The following DEPDC1B variants were observed in gnomAD, a reference collection of about 807,000 sequenced individuals.
The protein encoded by DEPDC1B is DEP domain containing 1B, also known as DEP domain-containing protein 1B.
A neutral mutation model predicts 66.5 loss-of-function variants in DEPDC1B; 51 were observed. That is an observed-to-expected ratio of 0.77 (90% confidence interval 0.61 to 0.97). The LOEUF is 0.97. Ranked by LOEUF, DEPDC1B falls within the 50% of genes least tolerant of loss-of-function variation. DEPDC1B has a pLI of 0.00. For synonymous variants in DEPDC1B, 226 were observed against 223.6 expected (o/e 1.01, Z -0.10); for missense variants, 552 against 637.1 (o/e 0.87, Z 1.44).
chr5:60,619,920 T>C (rs1398785295), intron 7 of DEPDC1B, among the ~76,000 whole-genome samples: 4 of 152,184 alleles, frequency 2.6e-5, no homozygotes, highest in South Asian at 4.1e-4. Context: ...CAAAACAGCA[T>C]GGTACTGGTA....
At chr5:60,643,566 T>G (rs1280942160) in intron 5 of DEPDC1B, among the ~76,000 whole-genome samples, 1 of 152,234 alleles carries the variant, frequency 6.6e-6, no homozygotes, top group Non-Finnish European at 1.5e-5. Flanking sequence ...TTGTGTTAGA[T>G]CTAATGAACT....
rs140612270 is a variant in DEPDC1B, at chr5:60,622,832, T to C, written c.898+15918A>G. Among the ~76,000 whole-genome samples the C allele has an allele frequency of 2.1e-3, 320 of 152,332 alleles. 8 individuals carry two copies. In the East Asian group the frequency reaches 0.023, roughly 11 times the overall value. ...GCTTATGAGTATTTCATATATATTCTTGTTGTGTCCAGTTTTTTTGTTTTT... is the reference window on the plus strand; with the variant it reads ...GCTTATGAGTATTTCATATATATTCCTGTTGTGTCCAGTTTTTTTGTTTTT... On this transcript the variant is annotated intron_variant, in intron 7 of 10. Transcript: ENST00000265036.
intron 2 of DEPDC1B, among the ~76,000 whole-genome samples, chr5:60,652,322 C>A (rs1753477112): frequency 6.7e-6 from 1 of 148,936 alleles, no homozygotes; most frequent in African/African-American, 2.5e-5. Context: ...ACCAGTCAGC[C>A]AAAACCGGTC....
intron 7 of DEPDC1B, among the ~76,000 whole-genome samples, chr5:60,637,014 GTT>G (rs1753058989): frequency 6.6e-6 from 1 of 152,172 alleles, no homozygotes; most frequent in Admixed American, 6.5e-5. Context: ...ATTGGAATTT[GTT>G]TTTGAAAAAG....
intron 7 of DEPDC1B, among the ~76,000 whole-genome samples, chr5:60,616,090 T>G (rs1250244155): frequency 6.6e-6 from 1 of 152,054 alleles, no homozygotes; most frequent in Non-Finnish European, 1.5e-5. Flanking sequence ...TCCTAACTGT[T>G]AGAAGGAAAA....
At chr5:60,677,828 G>A (rs1754206079) in intron 2 of DEPDC1B, among the ~76,000 whole-genome samples, 1 of 152,148 alleles carries the variant, frequency 6.6e-6, no homozygotes. Flanking sequence ...AACCCATGAC[G>A]ATGAAATGAG....
intron 2 of DEPDC1B, among the ~76,000 whole-genome samples, chr5:60,665,344 A>T (rs1753813661): frequency 6.6e-6 from 1 of 152,256 alleles, no homozygotes; most frequent in African/African-American, 2.4e-5. Flanking sequence ...TGAAGCAGAT[A>T]GTCAGGGCCT....
At chr5:60,606,877 C>G (rs1240900099) in intron 7 of DEPDC1B, among the ~76,000 whole-genome samples, 1 of 151,800 alleles carries the variant, frequency 6.6e-6, no homozygotes, top group Non-Finnish European at 1.5e-5. Context: ...TGAGGTAAAA[C>G]TGCTTCTATC....
At chr5:60,689,158 A>C (rs1344514534) in intron 1 of DEPDC1B, 1 of 426,190 alleles carries the variant, frequency 2.3e-6, no homozygotes, top group Non-Finnish European at 4.7e-6. Context: ...AACTAAAAAA[A>C]ATCCAGTTTC....
intron 1 of DEPDC1B, among the ~76,000 whole-genome samples, chr5:60,692,616 A>G (rs1754572642): frequency 6.6e-6 from 1 of 152,140 alleles, no homozygotes; most frequent in African/African-American, 2.4e-5. Context: ...CAGATTGGCA[A>G]TATCTACAAA....
intron 2 of DEPDC1B, 93 bp from the exon 3 acceptor site, chr5:60,647,626 A>G: frequency 7.2e-7 from 1 of 1,387,254 alleles, no homozygotes; most frequent in African/African-American, 1.5e-5. Context: ...CTGAAAATTT[A>G]TACAATAATT....
chr5:60,631,086 C>T (rs1004782869), intron 7 of DEPDC1B: 1 of 152,242 alleles, frequency 6.6e-6, no homozygotes, highest in Non-Finnish European at 1.5e-5. Context: ...ACAGAATACA[C>T]CCTGGGGAAC....
At chr5:60,687,269 T>C in intron 1 of DEPDC1B, 42 bp from the exon 2 acceptor site, 1 of 1,559,822 alleles carries the variant, frequency 6.4e-7, no homozygotes, top group Non-Finnish European at 8.7e-7. Flanking sequence ...ATCAACTGAT[T>C]TTTTTAAGAT....
chr5:60,604,557 C>CTTTTG (rs1392978099), intron 8 of DEPDC1B, among the ~76,000 whole-genome samples: 1 of 151,986 alleles, frequency 6.6e-6, no homozygotes, highest in African/African-American at 2.4e-5. Context: ...TTTGGACTGG[C>CTTTTG]TTTTGTTTTG....
chr5:60,618,453 G>T (rs1027843927), intron 7 of DEPDC1B, among the ~76,000 whole-genome samples: 1 of 152,046 alleles, frequency 6.6e-6, no homozygotes, highest in Non-Finnish European at 1.5e-5. Flanking sequence ...TGATAAAGGG[G>T]ATATCACCAC....
chr5:60,657,641 G>A (rs1489315629), intron 2 of DEPDC1B, among the ~76,000 whole-genome samples: 1 of 152,110 alleles, frequency 6.6e-6, no homozygotes, highest in Non-Finnish European at 1.5e-5. Flanking sequence ...TAGCTTGCAG[G>A]GTTTCTGCTA....
rs148191375 is a variant in DEPDC1B, at chr5:60,687,169, C to A, written c.107G>T (p.Arg36Leu). The A allele has an allele frequency of 1.2e-6, 2 of 1,614,038 alleles. No individual in the cohort carries two copies. Among genetic ancestry groups the A allele is most frequent in the African/African-American group, 2.7e-5 (2 of 75,038 alleles). The change falls in exon 2 of 11, where the codon CGT becomes CTT. Residue 36 changes from arginine to leucine, a missense_variant. By Grantham distance (102) the Arg-to-Leu change is moderately radical (BLOSUM62 -2). Transcript: ENST00000265036. ...AKMPLRKHRC[R>L]FKSYEHCFTA... The stretch of plus-strand genomic sequence containing the variant: ...GAAACAATGCTCATAGCTCTTGAAA[C>A]GACAGCGATGTTTCCGTAACGGCAT...
intron 2 of DEPDC1B, among the ~76,000 whole-genome samples, chr5:60,686,401 C>T: frequency 6.6e-6 from 1 of 152,176 alleles, no homozygotes; most frequent in East Asian, 1.9e-4. Context: ...AGACAAGCAG[C>T]CTTTATTTTC....
chr5:60,644,245 G>GT (rs1753258503), intron 5 of DEPDC1B, among the ~76,000 whole-genome samples: 1 of 151,960 alleles, frequency 6.6e-6, no homozygotes, highest in Non-Finnish European at 1.5e-5. Flanking sequence ...TTGTTTGTTT[G>GT]TTTTTTCTGA....
Sources: gnomAD v4.1 joint callset for allele counts (sites outside exome capture counted in the v4.1 genomes callset) on GRCh38, gnomAD v4.1.1 for gene constraint, MANE v1.5 for transcripts, NCBI Gene and HGNC (gene_info 2026-07-23, HGNC 2026-07-21) for gene names.